PHF24: variants seen among roughly 807,000 people sequenced by gnomAD.
PHF24 encodes PHD finger protein 24, also known as Galpha inhibitory interacting protein.
A neutral mutation model predicts 42.6 loss-of-function variants in PHF24; 25 were observed. That is an observed-to-expected ratio of 0.59 (90% CI 0.43 to 0.82). The LOEUF (loss-of-function observed/expected upper bound fraction) is 0.82, where lower values mean the gene tolerates loss of function less well. PHF24 is among the 40% of genes least tolerant of loss of function. The pLI is 0.00. For synonymous variants in PHF24, 185 were observed against 204.8 expected, an observed-to-expected ratio of 0.90 and a Z score of 0.83; for missense variants, 470 against 538.1, an observed-to-expected ratio of 0.87 and a Z score of 1.25.
chr9:34,976,775 C>G, intron 5 of PHF24, 35 bp downstream of exon 5: 1 of 1,586,276 alleles, frequency 6.3e-7, no homozygotes. Context: ...TCCTGGGATA[C>G]TGGGTGACAA....
At chr9:34,851,644 T>A in the PHF24 span, among the ~76,000 whole-genome samples, 2 of 152,144 alleles carry the variant, frequency 1.3e-5, no homozygotes, top group Non-Finnish European at 2.9e-5. Context: ...CCCTAGTGAG[T>A]TGAACCTGGT....
At chr9:34,681,819 A>G in the PHF24 span, among the ~76,000 whole-genome samples, 1 of 152,310 alleles carries the variant, frequency 6.6e-6, no homozygotes, top group Non-Finnish European at 1.5e-5. Context: ...TCAAAAAAGA[A>G]GAAGAAGAAA....
chr9:34,713,885 A>C, the PHF24 span, among the ~76,000 whole-genome samples: 7 of 152,104 alleles, frequency 4.6e-5, no homozygotes, highest in Non-Finnish European at 8.8e-5. Flanking sequence ...GGATAGGGAA[A>C]CCATAGGAAG....
the PHF24 span, among the ~76,000 whole-genome samples, chr9:34,938,832 G>A: frequency 6.6e-6 from 1 of 151,274 alleles, no homozygotes; most frequent in African/African-American, 2.4e-5. Flanking sequence ...AGCTACCTGG[G>A]AGGCTGAGGC....
At chr9:34,722,264 G>A in the PHF24 span, among the ~76,000 whole-genome samples, 2 of 152,164 alleles carry the variant, frequency 1.3e-5, no homozygotes, top group Non-Finnish European at 2.9e-5. Flanking sequence ...ATGCTTGAAG[G>A]TAGAGAGAAC....
chr9:34,859,401 A>T, the PHF24 span, among the ~76,000 whole-genome samples: 2 of 152,160 alleles, frequency 1.3e-5, no homozygotes, highest in Non-Finnish European at 2.9e-5. Context: ...CCAGACCAAG[A>T]CTGCCATACT....
chr9:34,721,655 C>A, the PHF24 span, among the ~76,000 whole-genome samples: 2 of 152,178 alleles, frequency 1.3e-5, no homozygotes, highest in African/African-American at 2.4e-5. Context: ...AGGTGATCCA[C>A]CTGCCTCGGC....
At chr9:34,690,148 G>C in the PHF24 span, 1 of 1,600,484 alleles carries the variant, frequency 6.2e-7, no homozygotes, top group Non-Finnish European at 8.6e-7. Flanking sequence ...GGAATAAGAA[G>C]GTGGGAGTCT....
At chr9:34,838,411 A>G in the PHF24 span, 1 of 1,252,118 alleles carries the variant, frequency 8.0e-7, no homozygotes, top group Non-Finnish European at 1.1e-6. Context: ...CACTTGCCAG[A>G]TAATTACAAT....
the PHF24 span, among the ~76,000 whole-genome samples, chr9:34,863,913 A>G: frequency 6.6e-6 from 1 of 152,246 alleles, no homozygotes; most frequent in Non-Finnish European, 1.5e-5. Flanking sequence ...CAGAGAAGGA[A>G]TTCAGAATTC....
chr9:34,930,925 G>A, the PHF24 span, among the ~76,000 whole-genome samples: 4 of 152,232 alleles, frequency 2.6e-5, no homozygotes, highest in South Asian at 8.3e-4. Flanking sequence ...ATGTCGAATT[G>A]TAATCCCCAA....
the PHF24 span, among the ~76,000 whole-genome samples, chr9:34,735,860 A>G: frequency 2.2e-4 from 34 of 152,264 alleles, no homozygotes; most frequent in East Asian, 5.8e-3. Flanking sequence ...TGATACATAT[A>G]TTGGAATTAT....
chr9:34,699,276 A>G, the PHF24 span, among the ~76,000 whole-genome samples: 3 of 152,210 alleles, frequency 2.0e-5, no homozygotes, highest in African/African-American at 7.2e-5. Context: ...TTAACAGAGG[A>G]TCTGTAAGGT....
At chr9:34,779,043 T>C in the PHF24 span, among the ~76,000 whole-genome samples, 1 of 151,702 alleles carries the variant, frequency 6.6e-6, no homozygotes, top group Non-Finnish European at 1.5e-5. Flanking sequence ...ATAAGGGAAA[T>C]TACAAAATAC....
chr9:34,724,200 C>T, the PHF24 span: 3 of 1,551,420 alleles, frequency 1.9e-6, no homozygotes, highest in Non-Finnish European at 2.6e-6. Context: ...TTCACATTGG[C>T]CTCTACCTGA....
the PHF24 span, among the ~76,000 whole-genome samples, chr9:34,858,209 C>T: frequency 6.6e-6 from 1 of 151,964 alleles, no homozygotes; most frequent in Non-Finnish European, 1.5e-5. Context: ...TTCTCATGGC[C>T]ATGCATTGGT....
chr9:34,743,907 G>A, the PHF24 span, among the ~76,000 whole-genome samples: 2 of 152,260 alleles, frequency 1.3e-5, no homozygotes, highest in South Asian at 2.1e-4. Flanking sequence ...GTCCCGTGGT[G>A]GAAGGCAGAA....
At chr9:34,826,503 T>A in the PHF24 span, among the ~76,000 whole-genome samples, 34 of 152,326 alleles carry the variant, frequency 2.2e-4, 1 homozygote, top group South Asian at 7.0e-3. Context: ...TGGAGTCTAT[T>A]CCTGTGTTCA....
chr9:34,705,516 G>A, the PHF24 span, among the ~76,000 whole-genome samples: 20 of 152,306 alleles, frequency 1.3e-4, no homozygotes, highest in African/African-American at 4.1e-4. Context: ...AAACTCCTGA[G>A]CTGAAGTGAG....
Sources: gnomAD v4.1 joint callset for allele counts (sites outside exome capture counted in the v4.1 genomes callset) on GRCh38, gnomAD v4.1.1 for gene constraint, MANE v1.5 for transcripts, NCBI Gene and HGNC (gene_info 2026-07-23, HGNC 2026-07-21) for gene names.